FREM2: variants seen among roughly 807,000 people sequenced by gnomAD.
The protein encoded by FREM2 is FRAS1 related extracellular matrix 2, also known as FRAS1-related extracellular matrix protein 2.
FREM2 carries 119 observed loss-of-function variants against 219.9 expected under a neutral mutation model. That is an observed-to-expected ratio of 0.54 (90% CI 0.47 to 0.63). The LOEUF (loss-of-function observed/expected upper bound fraction) is 0.63. Among genes scored for constraint, FREM2 ranks in the 30% least tolerant of loss-of-function variants. The pLI is 0.00. For missense variants in FREM2, 4,030 were observed against 3,993.6 expected (o/e 1.01, Z -0.25); for synonymous variants, 1,562 against 1,522.8 (o/e 1.03, Z -0.60).
At chr13:38,823,534 G>A (rs1472965436) in intron 6 of FREM2, among the ~76,000 whole-genome samples, 1 of 152,040 alleles carries the variant, frequency 6.6e-6, no homozygotes, top group East Asian at 1.9e-4. Flanking sequence ...AAACTCTGCA[G>A]CCCCCAAACA....
intron 2 of FREM2, among the ~76,000 whole-genome samples, chr13:38,763,259 C>T (rs1873302575): frequency 6.6e-6 from 1 of 152,144 alleles, no homozygotes; most frequent in Non-Finnish European, 1.5e-5. Context: ...CTCAAAGTTG[C>T]TGCAGTTTTT....
chr13:38,787,198 A>T lies in FREM2; in HGVS notation c.6019+2390A>T, dbSNP rs147528148. Among the ~76,000 whole-genome samples, 12 of 152,264 alleles carry T rather than the reference A, an allele frequency of 7.9e-5. No homozygotes were observed. In the East Asian group the frequency reaches 2.1e-3, roughly 27 times the overall value. On this transcript the variant is annotated intron_variant, in intron 6 of 23. Transcript: ENST00000280481. The stretch of plus-strand genomic sequence containing the variant: ...TTTGATTTTGAGGCAACTGAGTACC[A>T]TGCAGACATTAGACCAGCAGTTTGT...
At chr13:38,770,024 TATAA>T (rs1873596418) in intron 4 of FREM2, among the ~76,000 whole-genome samples, 3 of 148,298 alleles carry the variant, frequency 2.0e-5, no homozygotes, top group Non-Finnish European at 3.0e-5. Flanking sequence ...ATGTATAATA[TATAA>T]ATATTTATAT....
chr13:38,687,305 T>A lies in FREM2; in HGVS notation c.-40T>A, dbSNP rs564678744. ...TGTCTGCCCGGGGACCGACTTCGCA[T>A]GCTCTCAGGCTGACCTGTCCAAGCC... On this transcript the variant is annotated 5_prime_UTR_variant, in exon 1 of 24. It removes an upstream start codon present in the reference 5' UTR. Transcript: ENST00000280481. The A allele has an allele frequency of 6.4e-7, 1 of 1,568,136 alleles. No homozygotes were observed. The highest frequency in any genetic ancestry group is 1.4e-5 in the African/African-American group (1 of 73,904).
In FREM2 at chr13:38,750,107, T is replaced by C. The variant is rs534268583; in HGVS notation, c.5264-14197T>C. On this transcript the variant is annotated intron_variant, in intron 2 of 23. Transcript: ENST00000280481. ...AATAGTTGCTTAGGACCAAAACTCCTCCAAGAAATTTATTCGTCATTTATT... is the reference window on the plus strand; with the variant it reads ...AATAGTTGCTTAGGACCAAAACTCCCCCAAGAAATTTATTCGTCATTTATT... Among the ~76,000 whole-genome samples the C allele has an allele frequency of 1.4e-3, 216 of 152,306 alleles. 1 individual carries two copies. The highest frequency in any genetic ancestry group is 5.1e-3 in the African/African-American group (210 of 41,576).
chr13:38,687,603 G>T lies in FREM2; in HGVS notation c.259G>T (p.Val87Phe). 6.2e-7 allele frequency: 1 copy of T among 1,609,544 alleles called. No individual in the cohort carries two copies. The change falls in exon 1 of 24, where the codon GTC (valine) becomes TTC (phenylalanine). Residue 87 changes from valine to phenylalanine, a missense_variant. Physicochemically the swap from Val to Phe is conservative, Grantham distance 50. This residue lies in a region of FREM2 where 3,102 missense variants were observed against 2,950.7 expected (regional missense o/e 1.05). Transcript: ENST00000280481. ...ACTCCGGGTGCCTTTCGGCCGTGAA[G>T]TCTGGCTGGATCCCCTGCATGACCT... ...RGLRVPFGRE[V>F]WLDPLHDLVL...
chr13:38,852,361 T>C (rs983892719), intron 11 of FREM2, among the ~76,000 whole-genome samples: 2 of 152,196 alleles, frequency 1.3e-5, no homozygotes, highest in Admixed American at 6.5e-5. Context: ...TTACAGGGTA[T>C]ATGTGTTAGG....
intron 6 of FREM2, among the ~76,000 whole-genome samples, chr13:38,798,260 A>G (rs1258702011): frequency 6.6e-6 from 1 of 151,938 alleles, no homozygotes. Flanking sequence ...CATTCTGTTG[A>G]TGTGATGTAT....
At chr13:38,761,790 A>G (rs986352394) in intron 2 of FREM2, among the ~76,000 whole-genome samples, 3 of 152,138 alleles carry the variant, frequency 2.0e-5, no homozygotes, top group Non-Finnish European at 4.4e-5. Context: ...TCCTCATTTT[A>G]GGCAAGAGGA....
chr13:38,721,038 T>G (rs2138107609), intron 2 of FREM2, among the ~76,000 whole-genome samples: 1 of 152,100 alleles, frequency 6.6e-6, no homozygotes, highest in East Asian at 1.9e-4. Flanking sequence ...TCAGGAAAAA[T>G]AGCTAATGGA....
intron 6 of FREM2, among the ~76,000 whole-genome samples, chr13:38,790,587 A>G (rs1454535278): frequency 6.6e-6 from 1 of 152,184 alleles, no homozygotes; most frequent in Admixed American, 6.5e-5. Context: ...CTCTTCTAAT[A>G]CTAAATTGCC....
At chr13:38,838,414 T>TGGTGAATCTGAAGATTATATGTCTTGGG in intron 6 of FREM2, among the ~76,000 whole-genome samples, 1 of 152,202 alleles carries the variant, frequency 6.6e-6, no homozygotes, top group African/African-American at 2.4e-5. Context: ...ATTTCAACCT[T>TGGTGAATCTGAAGATTATATGTCTTGGG]GGTGAATCTG....
rs150153925 is a variant in FREM2 at position 38,709,372 on chromosome 13, A to G, written c.5263+11585A>G. Reference sequence around the variant, plus strand: ...AAAACATGGATGTATATAGCAATATATTGATTTATATAATAATTTAAATCA... The same window carrying G: ...AAAACATGGATGTATATAGCAATATGTTGATTTATATAATAATTTAAATCA... On this transcript the variant is annotated intron_variant, in intron 2 of 23. Coordinates refer to ENST00000280481, the MANE Select transcript of FREM2 (RefSeq NM_207361.6). Among the ~76,000 whole-genome samples, 39 of 152,298 alleles carry G rather than the reference A, an allele frequency of 2.6e-4. No homozygotes were observed. The East Asian group carries it at 6.9e-3, about 27-fold the overall frequency.
At chr13:38,799,925 G>A (rs376373179) in intron 6 of FREM2, among the ~76,000 whole-genome samples, 6 of 152,154 alleles carry the variant, frequency 3.9e-5, no homozygotes, top group African/African-American at 1.4e-4. Flanking sequence ...TATCCATTCA[G>A]CCAGTCTGTA....
chr13:38,833,871 T>A (rs985596911), intron 6 of FREM2, among the ~76,000 whole-genome samples: 2 of 152,140 alleles, frequency 1.3e-5, no homozygotes, highest in African/African-American at 4.8e-5. Context: ...CACACTCCTT[T>A]GGCTTCACCT....
chr13:38,774,302 TA>T (rs1396811459), intron 4 of FREM2, among the ~76,000 whole-genome samples: 2 of 152,190 alleles, frequency 1.3e-5, no homozygotes, highest in Non-Finnish European at 2.9e-5. Context: ...AGCTCCTGCA[TA>T]ATGTGTCTGT....
rs986200752 is a variant in FREM2 at position 38,885,037 on chromosome 13, G to C, written c.*4250G>C. Reference sequence around the variant, plus strand: ...AATTGTTAAGGAAACATTATATATAGGTTCAAATTATCCCTTAATGTTGAT... The same window carrying C: ...AATTGTTAAGGAAACATTATATATACGTTCAAATTATCCCTTAATGTTGAT... On this transcript the variant is annotated 3_prime_UTR_variant, in exon 24 of 24. Coordinates refer to ENST00000280481, the MANE Select transcript of FREM2 (RefSeq NM_207361.6). 2 of 152,064 alleles carry C rather than the reference G, an allele frequency of 1.3e-5. No homozygotes were observed. Among genetic ancestry groups the C allele is most frequent in the African/African-American group, 4.8e-5 (2 of 41,412 alleles). 9.4% of individuals were successfully genotyped at this position (152,064 alleles called of 1,614,324 possible).
At chr13:38,803,142 T>G (rs892843743) in intron 6 of FREM2, among the ~76,000 whole-genome samples, 1 of 152,200 alleles carries the variant, frequency 6.6e-6, no homozygotes, top group South Asian at 2.1e-4. Flanking sequence ...CTTATAACTT[T>G]GTAACTCAGG....
chr13:38,843,745 G>T (rs79725049), intron 6 of FREM2, among the ~76,000 whole-genome samples: 7,594 of 152,090 alleles, frequency 0.05, 378 homozygotes, highest in African/African-American at 0.12. Flanking sequence ...TATTCAAATT[G>T]TAGATATTTT....
Sources: allele counts gnomAD v4.1 joint callset (sites outside exome capture counted in the v4.1 genomes callset), GRCh38; gene constraint gnomAD v4.1.1; regional missense constraint gnomAD v4.1.1; transcripts MANE v1.5; gene names NCBI Gene and HGNC (gene_info 2026-07-23, HGNC 2026-07-21).